ADD2: variants seen among roughly 807,000 people sequenced by gnomAD.
The protein encoded by ADD2 is adducin 2, also known as beta-adducin.
In ADD2, 23 loss-of-function variants were observed where a neutral mutation model predicts 83.0. The ratio of observed to expected loss-of-function variants is 0.28; its 90% CI spans 0.20 to 0.39. The LOEUF is 0.39. Among genes scored for constraint, ADD2 ranks in the 10% least tolerant of loss-of-function variants. ADD2 has a pLI of 1.00. For synonymous variants in ADD2, 375 were observed against 375.4 expected, an observed-to-expected ratio of 1.00 and a Z score of 0.01; for missense variants, 758 against 944.9, an observed-to-expected ratio of 0.80 and a Z score of 2.59.
At chr2:70,703,181 G>GAAAGAAAAGGA (rs1671694452) in intron 4 of ADD2, among the ~76,000 whole-genome samples, 1 of 151,106 alleles carries the variant, frequency 6.6e-6, no homozygotes, top group African/African-American at 2.4e-5. Context: ...AAAGAAAAAG[G>GAAAGAAAAGGA]AAAGGAAAGG....
At chr2:70,701,218 A>G (rs1306108694) in intron 4 of ADD2, among the ~76,000 whole-genome samples, 5 of 152,070 alleles carry the variant, frequency 3.3e-5, no homozygotes, top group Non-Finnish European at 7.4e-5. Flanking sequence ...ACCAAGAATG[A>G]TTTATTTCAG....
Position 70,660,206 on chromosome 2 carries a change from G to T in ADD2, c.*3219C>A, listed in dbSNP as rs1298594505. The T allele has an allele frequency of 6.6e-6, 1 of 152,150 alleles. No homozygotes were observed. Among genetic ancestry groups the T allele is most frequent in the African/African-American group, 2.4e-5 (1 of 41,412 alleles). 9.4% of individuals were successfully genotyped at this position (152,150 alleles called of 1,614,324 possible). A position where few individuals can be genotyped will look rare whatever the true frequency, so the allele number is the denominator to read the frequency against. On this transcript the variant is annotated 3_prime_UTR_variant, in exon 16 of 16. Transcript: ENST00000264436. Reference sequence around the variant, plus strand: ...TGTGCAAGGGAAGAAGAAATGGCAGGATGGCTGGACACCTCTCCCAGCAAT... The same window carrying T: ...TGTGCAAGGGAAGAAGAAATGGCAGTATGGCTGGACACCTCTCCCAGCAAT...
Position 70,672,955 on chromosome 2 carries a change from G to C in ADD2, c.1793C>G (p.Pro598Arg). 1 of 1,613,910 alleles carries C rather than the reference G, an allele frequency of 6.2e-7. No individual in the cohort carries two copies. Among genetic ancestry groups the C allele is most frequent in the Non-Finnish European group, 8.5e-7 (1 of 1,179,972 alleles). The part of the protein sequence containing the change: ...EEPGSPAKSA[P>R]ASPVQSPAKE... ...CGCTGGGCTCTGCACTGGAGAAGCAGGTGCAGACTTTGCAGGTGAGCCAGG... is the reference window on the plus strand; with the variant it reads ...CGCTGGGCTCTGCACTGGAGAAGCACGTGCAGACTTTGCAGGTGAGCCAGG... The change falls in exon 15 of 16, where the codon CCT becomes CGT. Residue 598 changes from proline to arginine, a missense_variant. Around this residue, in one of 5 missense-constraint regions of ADD2, gnomAD observed 165 missense variants for 176.2 expected, o/e 0.94. Coordinates refer to ENST00000264436, the MANE Select transcript of ADD2 (RefSeq NM_001617.4).
At chr2:70,711,846 T>A (rs563938515) in intron 2 of ADD2, among the ~76,000 whole-genome samples, 1 of 152,324 alleles carries the variant, frequency 6.6e-6, no homozygotes, top group South Asian at 2.1e-4. Context: ...AGAGGGGTCA[T>A]GGGAACTCCT....
At chr2:70,678,528 T>C (rs1553368862) in intron 11 of ADD2, among the ~76,000 whole-genome samples, 176 bp downstream of exon 11, 1 of 152,128 alleles carries the variant, frequency 6.6e-6, no homozygotes, top group Non-Finnish European at 1.5e-5. Context: ...AAGGAAGAAG[T>C]GGTCAGGGGC....
intron 10 of ADD2, among the ~76,000 whole-genome samples, chr2:70,680,154 G>A (rs75304068): frequency 0.066 from 10,066 of 152,086 alleles, 560 homozygotes; most frequent in African/African-American, 0.15. Flanking sequence ...AAAAACATAA[G>A]TCTATGTTTT....
At chr2:70,737,848 C>T (rs1574307184) in intron 1 of ADD2, among the ~76,000 whole-genome samples, 1 of 152,206 alleles carries the variant, frequency 6.6e-6, no homozygotes, top group Non-Finnish European at 1.5e-5. Context: ...TTCTCACATT[C>T]ACATGAGGCC....
At position 70,727,873 on chromosome 2, in the gene ADD2, G is replaced by C. The variant is rs1262638890; in HGVS notation, c.-153-14689C>G. On this transcript the variant is annotated intron_variant, in intron 1 of 15. Coordinates refer to ENST00000264436, the MANE Select transcript of ADD2 (RefSeq NM_001617.4). ...ATCGTGCCACTGCACTCCAGCCTGGGCGACAGAGGGAGACTCTGTCAATAA... is the reference window on the plus strand; with the variant it reads ...ATCGTGCCACTGCACTCCAGCCTGGCCGACAGAGGGAGACTCTGTCAATAA... Among the ~76,000 whole-genome samples, 4 of 150,614 alleles carry C rather than the reference G, an allele frequency of 2.7e-5. No individual in the cohort carries two copies. In the East Asian group the frequency reaches 7.8e-4, roughly 29 times the overall value.
Position 70,663,575 on chromosome 2 carries a change from A to T in ADD2, c.2031T>A (p.Val677=), listed in dbSNP as rs1675623330. The change falls in exon 16 of 16, where the codon GTT becomes GTA. Residue 677 remains valine, a synonymous_variant. Transcript: ENST00000264436. ...SQMTTSADTD[V]DTSKDKTESV... ...ACTCGGTTTTGTCCTTAGAGGTATCAACATCCGTGTCAGCACTGGTGGTCA... is the reference window on the plus strand; with the variant it reads ...ACTCGGTTTTGTCCTTAGAGGTATCTACATCCGTGTCAGCACTGGTGGTCA... The T allele has an allele frequency of 1.2e-6, 2 of 1,614,060 alleles. No individual in the cohort carries two copies. The highest frequency in any genetic ancestry group is 2.7e-5 in the African/African-American group (2 of 74,920).
rs970817308 is a variant in ADD2 at position 70,767,962 on chromosome 2, G to A, written c.-230C>T. ...GTTATTTTATGGGTTTGGGGGGTGG[G>A]GTGCGCTTAAAAAATCCACCCAGCT... On this transcript the variant is annotated 5_prime_UTR_variant, in exon 1 of 16. Coordinates refer to ENST00000264436, the MANE Select transcript of ADD2 (RefSeq NM_001617.4). 86 of 1,535,286 alleles carry A rather than the reference G, an allele frequency of 5.6e-5. No homozygotes were observed. The highest frequency in any genetic ancestry group is 3.2e-4 in the East Asian group (13 of 40,848).
chr2:70,731,183 G>A (rs1484535575), intron 1 of ADD2, among the ~76,000 whole-genome samples: 1 of 152,060 alleles, frequency 6.6e-6, no homozygotes, highest in African/African-American at 2.4e-5. Context: ...CTGGACACCT[G>A]GGCAAGTGGG....
rs782792844 is a variant in ADD2 at position 70,706,263 on chromosome 2, T to C, written c.146A>G (p.Glu49Gly). The change falls in exon 3 of 16, where the codon GAG becomes GGG. Residue 49 changes from glutamate (E) to glycine (G), a missense_variant. Glu to Gly is a moderately conservative substitution (Grantham distance 98, BLOSUM62 -2). Transcript: ENST00000264436. The surrounding 1 kb of genome is among the most constrained non-coding windows in gnomAD (Gnocchi z 5.0). ...ADLRQDFNLM[E>G]QKKRVTMILQ... ...GATCATGGTGACGCGCTTCTTCTGC[T>C]CCATCAGGTTGAAGTCCTGCCGCAG... 6.2e-7 allele frequency: 1 copy of C among 1,614,038 alleles called. No individual in the cohort carries two copies. The highest frequency in any genetic ancestry group is 2.2e-5 in the East Asian group (1 of 44,862).
At chr2:70,755,561 G>A (rs1013974733) in intron 1 of ADD2, among the ~76,000 whole-genome samples, 4 of 152,156 alleles carry the variant, frequency 2.6e-5, no homozygotes, top group Non-Finnish European at 5.9e-5. Flanking sequence ...ACACATAGAA[G>A]GTGTTCAGTA....
At chr2:70,715,030 G>T (rs1368522711) in intron 1 of ADD2, among the ~76,000 whole-genome samples, 2 of 152,106 alleles carry the variant, frequency 1.3e-5, no homozygotes, top group African/African-American at 4.8e-5. Context: ...ACCATTCCTT[G>T]GGTTATGGTG....
intron 1 of ADD2, among the ~76,000 whole-genome samples, chr2:70,744,867 A>G (rs551459255): frequency 6.6e-6 from 1 of 152,198 alleles, no homozygotes; most frequent in African/African-American, 2.4e-5. Context: ...AGAACAGTGG[A>G]TAGGCTTCGG....
In ADD2 at chr2:70,657,634, T is replaced by C. The variant is rs880000299; in HGVS notation, c.*5791A>G. On this transcript the variant is annotated 3_prime_UTR_variant, in exon 16 of 16. Coordinates refer to ENST00000264436, the MANE Select transcript of ADD2 (RefSeq NM_001617.4). ...CACTCTGCCCTTGGTCCAATTGCCA[T>C]CCTCCTTCTGATTCACGTTAAAAGG... 6.6e-6 allele frequency: 1 copy of C among 152,178 alleles called. No individual in the cohort carries two copies. The highest frequency in any genetic ancestry group is 2.4e-5 in the African/African-American group (1 of 41,422). 9.4% of individuals were successfully genotyped at this position (152,178 alleles called of 1,614,324 possible).
chr2:70,704,283 C>CA, intron 4 of ADD2, 38 bp downstream of exon 4: 1 of 1,552,428 alleles, frequency 6.4e-7, no homozygotes. Flanking sequence ...ACCCTCCCCT[C>CA]CACCTCTGCT....
rs548229982 is a variant in ADD2, at chr2:70,683,519, C to T, written c.1125+72G>A. 39 of 1,490,090 alleles carry T rather than the reference C, an allele frequency of 2.6e-5. 1 individual carries two copies. The South Asian group carries it at 5.2e-4, about 20-fold the overall frequency. The allele number at this position is 1,490,090 out of a possible 1,614,324, so 92.3% of individuals were successfully genotyped here. A position where few individuals can be genotyped will look rare whatever the true frequency, so the allele number is the denominator to read the frequency against. On this transcript the variant is annotated intron_variant, in intron 10 of 15. Coordinates refer to ENST00000264436, the MANE Select transcript of ADD2 (RefSeq NM_001617.4). Reference sequence around the variant, plus strand: ...TGGCAATTCTTGTGCCCACCTGATGCCTTGTACTTCCTGGTTCCAGGGGGC... The same window carrying T: ...TGGCAATTCTTGTGCCCACCTGATGTCTTGTACTTCCTGGTTCCAGGGGGC...
chr2:70,702,842 C>A (rs1300069961), intron 4 of ADD2, among the ~76,000 whole-genome samples: 3 of 151,946 alleles, frequency 2.0e-5, no homozygotes, highest in Non-Finnish European at 4.4e-5. Context: ...AAAAGAAAGT[C>A]AGGGGCGGGC....
Sources: allele counts gnomAD v4.1 joint callset (sites outside exome capture counted in the v4.1 genomes callset), GRCh38; gene constraint gnomAD v4.1.1; regional missense constraint gnomAD v4.1.1; non-coding constraint Gnocchi (gnomAD v3.1); transcripts MANE v1.5; gene names NCBI Gene and HGNC (gene_info 2026-07-23, HGNC 2026-07-21).